Variants in GRID1 observed in about 807,000 individuals in gnomAD.
GRID1 encodes the protein glutamate ionotropic receptor delta type subunit 1, also known as glutamate receptor ionotropic, delta-1.
In GRID1, 28 loss-of-function variants were observed where a neutral mutation model predicts 98.0. The observed-to-expected ratio is 0.29, with a 90% CI of 0.21 to 0.39. The LOEUF is 0.39. GRID1 is among the 10% of genes least tolerant of loss of function. The pLI is 1.00. For missense variants in GRID1, 1,111 were observed against 1,340.5 expected, an observed-to-expected ratio of 0.83 and a Z score of 2.67; for synonymous variants, 553 against 538.5, an observed-to-expected ratio of 1.03 and a Z score of -0.37.
intron 3 of GRID1, among the ~76,000 whole-genome samples, chr10:86,170,596 A>G (rs1589396219): frequency 6.6e-6 from 1 of 152,210 alleles, no homozygotes; most frequent in African/African-American, 2.4e-5. Context: ...ACCACAAAGA[A>G]GCATTGCAGA....
intron 4 of GRID1, among the ~76,000 whole-genome samples, chr10:85,936,707 C>T (rs1841932112): frequency 6.6e-6 from 1 of 152,098 alleles, no homozygotes; most frequent in South Asian, 2.1e-4. Context: ...ATAAGGATCC[C>T]TTTGCCCTTG....
At chr10:85,637,629 G>A (rs950973824) in intron 13 of GRID1, among the ~76,000 whole-genome samples, 3 of 152,300 alleles carry the variant, frequency 2.0e-5, no homozygotes, top group African/African-American at 7.2e-5. Flanking sequence ...TTGTTCACAT[G>A]GAGTTCAACT....
chr10:85,827,300 C>T (rs1169878688), intron 8 of GRID1, among the ~76,000 whole-genome samples: 1 of 151,930 alleles, frequency 6.6e-6, no homozygotes, highest in African/African-American at 2.4e-5. Flanking sequence ...TCAGATAGAG[C>T]TAAAAAACTC....
At position 85,997,191 on chromosome 10, in the gene GRID1, G is replaced by A. The variant is rs1216166400; in HGVS notation, c.727-80952C>T. 3.3e-5 allele frequency among the ~76,000 whole-genome samples: 5 copies of A among 152,274 alleles called. No individual in the cohort carries two copies. In the East Asian group the frequency reaches 9.7e-4, roughly 29 times the overall value. ...CCGAAGAGGGTTGATCACAAAGTCAGGAGTTCAAGAGATGCCTGGCCAAGA... is the reference window on the plus strand; with the variant it reads ...CCGAAGAGGGTTGATCACAAAGTCAAGAGTTCAAGAGATGCCTGGCCAAGA... On this transcript the variant is annotated intron_variant, in intron 4 of 15. Transcript: ENST00000327946.
intron 2 of GRID1, among the ~76,000 whole-genome samples, chr10:86,280,656 A>C (rs1847343541): frequency 6.6e-6 from 1 of 151,770 alleles, no homozygotes; most frequent in South Asian, 2.1e-4. Context: ...TCAAGCCCAG[A>C]CTCTTCAGCA....
At chr10:86,295,208 G>A (rs751703367) in intron 2 of GRID1, among the ~76,000 whole-genome samples, 17 of 152,128 alleles carry the variant, frequency 1.1e-4, no homozygotes, top group Non-Finnish European at 1.9e-4. Flanking sequence ...CAGAGGAAGT[G>A]GACCAAGCGC....
Position 86,273,548 on chromosome 10 carries a change from A to G in GRID1, c.236-66900T>C, listed in dbSNP as rs1198259473. Among the ~76,000 whole-genome samples, 3 of 150,418 alleles carry G rather than the reference A, an allele frequency of 2.0e-5. No individual in the cohort carries two copies. In the East Asian group the frequency reaches 5.8e-4, roughly 29 times the overall value. On this transcript the variant is annotated intron_variant, in intron 2 of 15. Transcript: ENST00000327946. ...CCACCAACAGTGTAAAAGTGTTCCTATTTCTCCACATCCTCTCCAGCACCT... is the reference window on the plus strand; with the variant it reads ...CCACCAACAGTGTAAAAGTGTTCCTGTTTCTCCACATCCTCTCCAGCACCT...
intron 4 of GRID1, among the ~76,000 whole-genome samples, chr10:86,031,410 G>A (rs551999477): frequency 5.9e-5 from 9 of 152,076 alleles, no homozygotes; most frequent in African/African-American, 2.2e-4. Flanking sequence ...GACTTCAAAA[G>A]GGGGGGCAGG....
At chr10:85,867,631 G>A (rs1843234427) in intron 6 of GRID1, among the ~76,000 whole-genome samples, 1 of 152,212 alleles carries the variant, frequency 6.6e-6, no homozygotes, top group Admixed American at 6.5e-5. Context: ...GAATAAACCA[G>A]CAGCATCTCA....
chr10:86,315,785 C>T (rs1472780187), intron 2 of GRID1, among the ~76,000 whole-genome samples: 1 of 152,046 alleles, frequency 6.6e-6, no homozygotes, highest in African/African-American at 2.4e-5. Context: ...TCTATCAACC[C>T]AACCATCTAT....
chr10:85,988,349 C>T (rs1337462860), intron 4 of GRID1, among the ~76,000 whole-genome samples: 1 of 152,194 alleles, frequency 6.6e-6, no homozygotes, highest in Non-Finnish European at 1.5e-5. Flanking sequence ...GTGAATGTTG[C>T]ATGAATGAAA....
chr10:85,865,912 C>CATATATATATATATATATATACAT (rs1843210469), intron 6 of GRID1, among the ~76,000 whole-genome samples: 33 of 83,108 alleles, frequency 4.0e-4, no homozygotes, highest in African/African-American at 1.8e-3. Flanking sequence ...TACATATATA[C>CATATATATATATATATATATACAT]ATATATATAT....
chr10:86,115,078 C>T (rs573972232), intron 4 of GRID1, among the ~76,000 whole-genome samples: 35 of 152,098 alleles, frequency 2.3e-4, no homozygotes, highest in African/African-American at 7.7e-4. Context: ...CAAGAGCTCC[C>T]GGGGGCTATG....
chr10:85,748,763 C>A (rs1379511487), intron 8 of GRID1, among the ~76,000 whole-genome samples: 1 of 152,160 alleles, frequency 6.6e-6, no homozygotes, highest in Non-Finnish European at 1.5e-5. Context: ...CAGGCTCCAG[C>A]TTGACATCTC....
At chr10:86,166,190 T>C (rs564306217) in intron 3 of GRID1, among the ~76,000 whole-genome samples, 1 of 152,326 alleles carries the variant, frequency 6.6e-6, no homozygotes, top group South Asian at 2.1e-4. Context: ...TGTATACATG[T>C]GCTATGTTGG....
chr10:85,713,579 T>C (rs1841604819), intron 12 of GRID1, among the ~76,000 whole-genome samples: 1 of 149,834 alleles, frequency 6.7e-6, no homozygotes, highest in African/African-American at 2.5e-5. Flanking sequence ...CAGATGAGCA[T>C]AGATGTGCAA....
At chr10:85,815,877 A>T (rs975301197) in intron 8 of GRID1, among the ~76,000 whole-genome samples, 2 of 152,002 alleles carry the variant, frequency 1.3e-5, no homozygotes, top group African/African-American at 4.8e-5. Context: ...TCAACAATAA[A>T]GCAAAACAAC....
At chr10:86,227,955 G>T (rs1360069110) in intron 2 of GRID1, among the ~76,000 whole-genome samples, 1 of 152,144 alleles carries the variant, frequency 6.6e-6, no homozygotes, top group African/African-American at 2.4e-5. Context: ...CAGATGGGTA[G>T]GTAGATGGGT....
intron 12 of GRID1, among the ~76,000 whole-genome samples, chr10:85,685,756 G>C (rs1841262083): frequency 6.6e-6 from 1 of 152,090 alleles, no homozygotes. Flanking sequence ...CTTTATTTAT[G>C]ACAAAGATGA....
Sources: gnomAD v4.1 joint callset for allele counts (sites outside exome capture counted in the v4.1 genomes callset) on GRCh38, gnomAD v4.1.1 for gene constraint, MANE v1.5 for transcripts, NCBI Gene and HGNC (gene_info 2026-07-23, HGNC 2026-07-21) for gene names.